LRP4: variants seen among roughly 807,000 people sequenced by gnomAD.
LRP4 encodes low-density lipoprotein receptor-related protein 4.
LRP4 carries 95 observed loss-of-function variants against 220.3 expected under a neutral mutation model. That is an observed-to-expected ratio of 0.43 (90% CI 0.37 to 0.51). The LOEUF is 0.51. Among genes scored for constraint, LRP4 ranks in the 20% least tolerant of loss-of-function variants. The pLI, the probability that LRP4 is intolerant of heterozygous loss-of-function variation, is 0.00. For synonymous variants in LRP4, 903 were observed against 954.6 expected (o/e 0.95, Z 1.00); for missense variants, 1,925 against 2,567.0 (o/e 0.75, Z 5.40).
chr11:46,867,692 C>T (rs1441193446), intron 34 of LRP4, among the ~76,000 whole-genome samples: 3 of 152,150 alleles, frequency 2.0e-5, no homozygotes, highest in Non-Finnish European at 4.4e-5. Context: ...AACTCCCGAC[C>T]TCAAGTGATC....
intron 32 of LRP4, 84 bp downstream of exon 32, chr11:46,868,904 A>C: frequency 3.2e-6 from 5 of 1,578,490 alleles, no homozygotes; most frequent in Non-Finnish European, 4.4e-6. Context: ...TGTGGCCCTA[A>C]CTGTCTTGGT....
chr11:46,880,235 G>C (rs1941120155), intron 20 of LRP4, among the ~76,000 whole-genome samples: 1 of 151,076 alleles, frequency 6.6e-6, no homozygotes, highest in Admixed American at 6.6e-5. Flanking sequence ...AGCTACTCAG[G>C]AGCCTCAGAT....
intron 2 of LRP4, among the ~76,000 whole-genome samples, chr11:46,902,033 T>C (rs1012072453): frequency 6.7e-6 from 1 of 150,026 alleles, no homozygotes; most frequent in Admixed American, 6.6e-5. Flanking sequence ...GCGCCCGGCC[T>C]AAGAAAATAT....
chr11:46,898,560 C>T lies in LRP4; in HGVS notation c.794G>A (p.Cys265Tyr). Residue 265 changes from cysteine to tyrosine, a missense_variant and splice_region_variant, in exon 7 of 38, where the codon TGC (cysteine) becomes TAC (tyrosine). By Grantham distance (194) the Cys-to-Tyr change is radical. This residue lies in a region of LRP4 where 412 missense variants were observed against 505.4 expected (regional missense o/e 0.82). Coordinates refer to ENST00000378623, the MANE Select transcript of LRP4 (RefSeq NM_002334.4). Reference sequence around the variant, plus strand: ...CCTAATTCCATTTCCCCACTCACTGCAGTTGCGCTCATCAGACTGGTCATC... The same window carrying T: ...CCTAATTCCATTTCCCCACTCACTGTAGTTGCGCTCATCAGACTGGTCATC... ...DCDDQSDERN[C>Y]TTSMCTAEQF... is the part of the protein sequence containing the mutation. 1 of 1,614,144 alleles carries T rather than the reference C, an allele frequency of 6.2e-7. No homozygotes were observed. Among genetic ancestry groups the T allele is most frequent in the Non-Finnish European group, 8.5e-7 (1 of 1,180,022 alleles).
At chr11:46,860,872 A>G (rs1940526041) in intron 37 of LRP4, 1 of 704,612 alleles carries the variant, frequency 1.4e-6, no homozygotes, top group Non-Finnish European at 1.7e-6. Flanking sequence ...GGTGGGGGAT[A>G]TGGCACTTGC....
At chr11:46,902,736 C>T (rs758513980) in intron 2 of LRP4, 47 bp downstream of exon 2, 2 of 1,611,860 alleles carry the variant, frequency 1.2e-6, no homozygotes, top group Middle Eastern at 3.6e-4. Context: ...CCCCCCACCC[C>T]CAGGTCCCTC....
chr11:46,905,370 C>T (rs964799745), intron 1 of LRP4, among the ~76,000 whole-genome samples: 4 of 152,160 alleles, frequency 2.6e-5, no homozygotes, highest in Admixed American at 1.3e-4. Flanking sequence ...TGGGACTCCC[C>T]GGTACACAGA....
chr11:46,878,858 T>C, intron 22 of LRP4, 49 bp downstream of exon 22: 2 of 1,612,428 alleles, frequency 1.2e-6, no homozygotes, highest in Non-Finnish European at 1.7e-6. Flanking sequence ...AGAGAGCCAT[T>C]GCCCCCTCCC....
Position 46,869,115 on chromosome 11 carries a change from G to GTAGA in LRP4, c.4706_4709dup (p.Trp1571LeufsTer14). 6.2e-7 allele frequency: 1 copy of GTAGA among 1,614,176 alleles called. No individual in the cohort carries two copies. Among genetic ancestry groups the GTAGA allele is most frequent in the Non-Finnish European group, 8.5e-7 (1 of 1,180,022 alleles). ...TTGACTTGGTCTGCCAGTCTGTCCA[G>GTAGA]TAGATCCACCTGTCTTGCTACTCAA... On this transcript the variant is annotated frameshift_variant, in exon 32 of 38. Transcript: ENST00000378623. LOFTEE classifies it high-confidence loss of function.
At chr11:46,878,800 G>A in intron 22 of LRP4, 107 bp downstream of exon 22, 1 of 1,511,026 alleles carries the variant, frequency 6.6e-7, no homozygotes. Context: ...AGAAGCAGCA[G>A]GACTCATGGT....
At chr11:46,904,051 G>C (rs1209181627) in intron 1 of LRP4, among the ~76,000 whole-genome samples, 1 of 152,216 alleles carries the variant, frequency 6.6e-6, no homozygotes, top group Non-Finnish European at 1.5e-5. Flanking sequence ...TGGAACAAAG[G>C]GTTCTGCCAG....
At chr11:46,866,945 G>GA (rs1026365735) in intron 34 of LRP4, among the ~76,000 whole-genome samples, 2 of 151,482 alleles carry the variant, frequency 1.3e-5, no homozygotes, top group Admixed American at 6.6e-5. Context: ...AAAGAAAAAA[G>GA]AAAAAAAAGA....
rs376437208 is a variant in LRP4, at chr11:46,889,413, T to C, written c.2213A>G (p.Gln738Arg). ...GCTGGTGTTGCAGACCCACTTACTC[T>C]GGGCACAGGCGTGGCTGCTGATCTT... Reference protein sequence around the residue: ...FRKISSHACAQSLDKFLLFAR... With the variant: ...FRKISSHACARSLDKFLLFAR... Residue 738 changes from glutamine to arginine, a missense_variant and splice_region_variant, in exon 16 of 38, where the codon CAG becomes CGG. Gln to Arg is a conservative substitution (Grantham distance 43). This residue lies in a region of LRP4 where 1,244 missense variants were observed against 1,624.9 expected (regional missense o/e 0.77). Coordinates refer to ENST00000378623, the MANE Select transcript of LRP4 (RefSeq NM_002334.4). 1.2e-5 allele frequency: 20 copies of C among 1,613,892 alleles called. No homozygotes were observed. Among genetic ancestry groups the C allele is most frequent in the Admixed American group, 3.3e-5 (2 of 59,998 alleles).
intron 1 of LRP4, among the ~76,000 whole-genome samples, chr11:46,917,589 GC>G (rs1479496752): frequency 5.3e-5 from 8 of 152,136 alleles, no homozygotes; most frequent in Non-Finnish European, 1.0e-4. Context: ...CCGGCCCCCT[GC>G]CCCCCTACCC....
intron 16 of LRP4, among the ~76,000 whole-genome samples, chr11:46,887,200 C>A (rs1209865158): frequency 1.3e-5 from 2 of 152,250 alleles, no homozygotes; most frequent in East Asian, 3.8e-4. Flanking sequence ...CCAGCCAGCT[C>A]TTCCCCATCC....
chr11:46,886,016 C>T, intron 18 of LRP4, 75 bp downstream of exon 18: 1 of 1,277,996 alleles, frequency 7.8e-7, no homozygotes, highest in Admixed American at 1.7e-5. Flanking sequence ...CACTGGGCTC[C>T]TTCTATCTGA....
chr11:46,858,842 G>A lies in LRP4; in HGVS notation c.*141C>T. ...TGGACTCACGTGGTAAACAGCTCCG[G>A]TGAAGGCTTAGGAACAGTTATGGGG... On this transcript the variant is annotated 3_prime_UTR_variant, in exon 38 of 38. Transcript: ENST00000378623. 1.2e-6 allele frequency: 1 copy of A among 806,500 alleles called. No individual in the cohort carries two copies. Among genetic ancestry groups the A allele is most frequent in the East Asian group, 2.5e-5 (1 of 39,434 alleles). The allele number at this position is 806,500 out of a possible 1,614,324, so 50.0% of individuals were successfully genotyped here.
At chr11:46,904,436 A>G (rs1941724619) in intron 1 of LRP4, among the ~76,000 whole-genome samples, 1 of 152,004 alleles carries the variant, frequency 6.6e-6, no homozygotes, top group African/African-American at 2.4e-5. Context: ...TCTCAACCCC[A>G]AGAGTAAGTG....
At chr11:46,863,689 G>C (rs893406232) in intron 36 of LRP4, among the ~76,000 whole-genome samples, 67 of 151,894 alleles carry the variant, frequency 4.4e-4, no homozygotes, top group African/African-American at 1.4e-3. Context: ...AATCCAGGAG[G>C]CAGAGGTTGC....
Sources: gnomAD v4.1 joint callset for allele counts (sites outside exome capture counted in the v4.1 genomes callset) on GRCh38, gnomAD v4.1.1 for gene constraint, gnomAD v4.1.1 regional missense constraint, MANE v1.5 for transcripts, NCBI Gene and HGNC (gene_info 2026-07-23, HGNC 2026-07-21) for gene names.